Variants in HACE1 observed in about 807,000 individuals in gnomAD.
The protein encoded by HACE1 is E3 ubiquitin-protein ligase HACE1.
In HACE1, 73 loss-of-function variants were observed where a neutral mutation model predicts 118.4. That is an observed-to-expected ratio of 0.62 (90% CI 0.51 to 0.75). The LOEUF is 0.75. HACE1 is among the 30% of genes least tolerant of loss of function. The probability of loss-of-function intolerance (pLI) is 0.00; values close to 1 mark genes in which losing one functional copy is unlikely to be tolerated. For synonymous variants in HACE1, 368 were observed against 374.8 expected, an observed-to-expected ratio of 0.98 and a Z score of 0.21; for missense variants, 749 against 1,102.2, an observed-to-expected ratio of 0.68 and a Z score of 4.54.
At chr6:104,745,454 C>CTTTTTTTTTTTTT (rs1777311443) in intron 20 of HACE1, among the ~76,000 whole-genome samples, 1 of 67,854 alleles carries the variant, frequency 1.5e-5, no homozygotes, top group Non-Finnish European at 2.7e-5. Flanking sequence ...ATCAGGATTT[C>CTTTTTTTTTTTTT]CTTTTTTTTT....
intron 19 of HACE1, among the ~76,000 whole-genome samples, chr6:104,752,727 CCTA>C (rs1173615227): frequency 7.0e-4 from 107 of 152,088 alleles, no homozygotes; most frequent in Middle Eastern, 3.4e-3. Flanking sequence ...ATTATTTCCT[CCTA>C]CATTTTATTT....
chr6:104,788,435 T>G (rs1782666294), intron 11 of HACE1, among the ~76,000 whole-genome samples: 1 of 152,128 alleles, frequency 6.6e-6, no homozygotes, highest in Admixed American at 6.5e-5. Flanking sequence ...ACTGAACGAT[T>G]TTTTAAAATT....
In HACE1 at chr6:104,732,033, TC is replaced by T. The variant is rs1432289164; in HGVS notation, c.2514-1618del. 1.3e-5 allele frequency: 2 copies of T among 152,002 alleles called. 1 individual carries two copies. The highest frequency in any genetic ancestry group is 4.8e-5 in the African/African-American group (2 of 41,410). The allele number at this position is 152,002 out of a possible 1,614,324, so 9.4% of individuals were successfully genotyped here. A position where few individuals can be genotyped will look rare whatever the true frequency, so the allele number is the denominator to read the frequency against. On this transcript the variant is annotated intron_variant, in intron 22 of 23. Transcript: ENST00000262903. ...CACTTCACACTCATTAAGATGACTA[TC>T]GGCAAAAAATCAAAAAAACAAAAGA... is the stretch of plus-strand genomic sequence containing the variant.
chr6:104,734,142 C>CAAAAAAAAAAAAAAAAAAAAAAAAAAA (rs11370746), intron 22 of HACE1, among the ~76,000 whole-genome samples: 1 of 87,174 alleles, frequency 1.1e-5, no homozygotes, highest in Non-Finnish European at 2.3e-5. Flanking sequence ...GACTCTTCCT[C>CAAAAAAAAAAAAAAAAAAAAAAAAAAA]AAAAAAAAAA....
intron 6 of HACE1, among the ~76,000 whole-genome samples, chr6:104,825,586 T>G (rs992932816): frequency 2.6e-5 from 4 of 152,194 alleles, no homozygotes; most frequent in African/African-American, 7.2e-5. Context: ...ACCAATCAGA[T>G]GTTTGCATAG....
In HACE1 at chr6:104,791,513, C is replaced by G. The variant is rs1456922796; in HGVS notation, c.1065G>C (p.Gln355His). The change falls in exon 11 of 24, where the codon CAG (glutamine) becomes CAC (histidine). Residue 355 changes from glutamine (Q) to histidine (H), a missense_variant. Physicochemically the swap from Gln to His is conservative, Grantham distance 24 (BLOSUM62 0). Around this residue, in one of 5 missense-constraint regions of HACE1, gnomAD observed 267 missense variants for 312.2 expected, o/e 0.86. Transcript: ENST00000262903. The part of the protein sequence containing the change: ...GYNGNKTPRS[Q>H]VFKPLELLWH... Reference sequence around the variant, plus strand: ...CATATACTTTTCTCACCTTGAACACCTGGCTTCTTGGAGTTTTATTCCCAT... The same window carrying G: ...CATATACTTTTCTCACCTTGAACACGTGGCTTCTTGGAGTTTTATTCCCAT... The G allele has an allele frequency of 3.1e-6, 5 of 1,613,020 alleles. No homozygotes were observed. The highest frequency in any genetic ancestry group is 3.4e-6 in the Non-Finnish European group (4 of 1,179,098).
intron 2 of HACE1, 89 bp downstream of exon 2, chr6:104,852,228 T>TGTGTGA: frequency 4.5e-6 from 3 of 660,780 alleles, no homozygotes; most frequent in Non-Finnish European, 8.3e-6. Context: ...TGTGTGTGTG[T>TGTGTGA]GCGCGCGTGC....
intron 17 of HACE1, among the ~76,000 whole-genome samples, chr6:104,772,706 G>A (rs1780770383): frequency 6.6e-6 from 1 of 152,090 alleles, no homozygotes; most frequent in Non-Finnish European, 1.5e-5. Context: ...TTACCTCTGA[G>A]GTGAAAGTAA....
chr6:104,813,547 G>A (rs1047852529), intron 6 of HACE1, among the ~76,000 whole-genome samples: 2 of 138,046 alleles, frequency 1.4e-5, no homozygotes, highest in African/African-American at 5.8e-5. Context: ...GCTATTGGCA[G>A]CTAGTGGGTA....
At chr6:104,826,330 T>C (rs1773329768) in intron 6 of HACE1, among the ~76,000 whole-genome samples, 1 of 152,192 alleles carries the variant, frequency 6.6e-6, no homozygotes, top group Non-Finnish European at 1.5e-5. Context: ...TCAAGAAGTT[T>C]ATAGTAGAAA....
intron 19 of HACE1, among the ~76,000 whole-genome samples, chr6:104,758,354 G>A (rs1307890483): frequency 6.6e-6 from 1 of 152,150 alleles, no homozygotes. Context: ...AGATCTCTCT[G>A]CAGAAACCCT....
intron 3 of HACE1, among the ~76,000 whole-genome samples, chr6:104,850,154 T>C (rs1030713349): frequency 2.0e-5 from 3 of 152,112 alleles, no homozygotes; most frequent in Non-Finnish European, 2.9e-5. Context: ...TTCACCATGT[T>C]GGCGAGGCTG....
chr6:104,818,523 T>G (rs138567482), intron 6 of HACE1, among the ~76,000 whole-genome samples: 2 of 152,184 alleles, frequency 1.3e-5, no homozygotes, highest in East Asian at 3.9e-4. Context: ...GACTATTCCC[T>G]AACTCATTCT....
At chr6:104,737,753 G>T (rs1776080073) in intron 22 of HACE1, among the ~76,000 whole-genome samples, 1 of 152,200 alleles carries the variant, frequency 6.6e-6, no homozygotes, top group Admixed American at 6.5e-5. Flanking sequence ...GCTGGGGGAG[G>T]GGCGCCCGCC....
intron 19 of HACE1, among the ~76,000 whole-genome samples, chr6:104,757,493 G>A (rs375135634): frequency 8.0e-4 from 122 of 152,320 alleles, no homozygotes; most frequent in Non-Finnish European, 1.3e-3. Context: ...GAAAGGAAGA[G>A]CATCAACATC....
At chr6:104,802,033 CAAAAA>C (rs533831848) in intron 7 of HACE1, among the ~76,000 whole-genome samples, 3 of 58,770 alleles carry the variant, frequency 5.1e-5, no homozygotes, top group Non-Finnish European at 1.1e-4. Flanking sequence ...AACGAAAAGC[CAAAAA>C]AAAAAAAAAA....
chr6:104,818,308 C>T lies in HACE1; in HGVS notation c.535-6915G>A, dbSNP rs565520823. Reference sequence around the variant, plus strand: ...ATCATGGCTTTCCTCTGATCATTGACCTAGAAGTGGTGTCTGTAAGGTCCC... The same window carrying T: ...ATCATGGCTTTCCTCTGATCATTGATCTAGAAGTGGTGTCTGTAAGGTCCC... On this transcript the variant is annotated intron_variant, in intron 6 of 23. Transcript: ENST00000262903. Among the ~76,000 whole-genome samples the T allele has an allele frequency of 2.6e-5, 4 of 152,074 alleles. No individual in the cohort carries two copies. The South Asian group carries it at 8.3e-4, about 32-fold the overall frequency.
chr6:104,815,970 G>T (rs1772070114), intron 6 of HACE1, among the ~76,000 whole-genome samples: 1 of 151,952 alleles, frequency 6.6e-6, no homozygotes, highest in South Asian at 2.1e-4. Flanking sequence ...CTACTCGGGG[G>T]GCTGAGGCAG....
At chr6:104,855,219 C>T (rs981095197) in intron 1 of HACE1, among the ~76,000 whole-genome samples, 1 of 152,078 alleles carries the variant, frequency 6.6e-6, no homozygotes, top group Non-Finnish European at 1.5e-5. Context: ...CCAAGTCAGG[C>T]AGATCACAAG....
Sources: allele counts gnomAD v4.1 joint callset (sites outside exome capture counted in the v4.1 genomes callset), GRCh38; gene constraint gnomAD v4.1.1; regional missense constraint gnomAD v4.1.1; transcripts MANE v1.5; gene names NCBI Gene and HGNC (gene_info 2026-07-23, HGNC 2026-07-21).